The following FABP3 variants were observed in gnomAD, a reference collection of about 807,000 sequenced individuals.
The protein encoded by FABP3 is fatty acid-binding protein, heart.
Under a neutral mutation model 13.4 loss-of-function variants are expected in FABP3, and 8 were observed. The ratio of observed to expected loss-of-function variants is 0.60; its 90% CI spans 0.35 to 1.07. FABP3 has a LOEUF of 1.07. Ranked by LOEUF, FABP3 falls within the 50% of genes least tolerant of loss-of-function variation. The probability of loss-of-function intolerance (pLI) is 0.02; values close to 1 mark genes in which losing one functional copy is unlikely to be tolerated. For missense variants in FABP3, 135 were observed against 164.7 expected (o/e 0.82, Z 0.99); for synonymous variants, 64 against 60.0 (o/e 1.07, Z -0.31).
intron 1 of FABP3, 149 bp from the exon 2 acceptor site, chr1:31,369,706 T>C (rs1640175056): frequency 5.7e-6 from 4 of 706,138 alleles, no homozygotes; most frequent in African/African-American, 5.4e-5. Flanking sequence ...AAATTCAGTC[T>C]TGCGCTTAGT....
chr1:31,369,530 G>GC lies in FABP3; in HGVS notation c.100dup (p.Ala34GlyfsTer33). 1 of 1,614,116 alleles carries GC rather than the reference G, an allele frequency of 6.2e-7. No individual in the cohort carries two copies. ...GATTGTGGTAGGCTTGGTCATGCTGGCCACCTGCCTGGTAGCAAAACCCAC... is the reference window on the plus strand; with the variant it reads ...GATTGTGGTAGGCTTGGTCATGCTGGCCCACCTGCCTGGTAGCAAAACCCAC... On this transcript the variant is annotated frameshift_variant, in exon 2 of 4. Coordinates refer to ENST00000373713, the MANE Select transcript of FABP3 (RefSeq NM_004102.5). LOFTEE classifies it high-confidence loss of function.
chr1:31,366,981 A>G (rs1640124301), intron 3 of FABP3, among the ~76,000 whole-genome samples: 1 of 152,156 alleles, frequency 6.6e-6, no homozygotes, highest in South Asian at 2.1e-4. Flanking sequence ...CCTGTTTTCT[A>G]CTTCTTCCTG....
chr1:31,364,960 A>T (rs1168323992), downstream of FABP3: 1 of 152,184 alleles, frequency 6.6e-6, no homozygotes, highest in Non-Finnish European at 1.5e-5. Context: ...TTTTCCTATA[A>T]TCCTTCTTCC....
downstream of FABP3, among the ~76,000 whole-genome samples, chr1:31,362,666 G>C (rs1639957524): frequency 6.6e-6 from 1 of 152,164 alleles, no homozygotes; most frequent in African/African-American, 2.4e-5. Flanking sequence ...TTTGATGGCA[G>C]TTATTTCCCC....
rs746563492 is a variant in FABP3 at position 31,369,524 on chromosome 1, A to T, written c.107T>A (p.Met36Lys). The stretch of plus-strand genomic sequence containing the variant: ...TTCGATGATTGTGGTAGGCTTGGTC[A>T]TGCTGGCCACCTGCCTGGTAGCAAA... ...VGFATRQVAS[M>K]TKPTTIIEKN... The change falls in exon 2 of 4, where the codon ATG becomes AAG. Residue 36 changes from methionine (M) to lysine (K), a missense_variant. By Grantham distance (95) the Met-to-Lys change is moderately conservative (BLOSUM62 -1). Transcript: ENST00000373713. 1 of 1,614,044 alleles carries T rather than the reference A, an allele frequency of 6.2e-7. No homozygotes were observed. Among genetic ancestry groups the T allele is most frequent in the Non-Finnish European group, 8.5e-7 (1 of 1,180,040 alleles).
At chr1:31,372,608 G>A (rs1394912152) in intron 1 of FABP3, among the ~76,000 whole-genome samples, 1 of 152,056 alleles carries the variant, frequency 6.6e-6, no homozygotes, top group Non-Finnish European at 1.5e-5. Flanking sequence ...CCATGCCCCT[G>A]TTCTTTTTCT....
In FABP3 at chr1:31,365,742, T is replaced by C; in HGVS notation, c.*144A>G. The C allele has an allele frequency of 1.4e-6, 1 of 693,838 alleles. No individual in the cohort carries two copies. The highest frequency in any genetic ancestry group is 2.9e-5 in the East Asian group (1 of 34,310). 43.0% of individuals were successfully genotyped at this position (693,838 alleles called of 1,614,324 possible). A position where few individuals can be genotyped will look rare whatever the true frequency, so the allele number is the denominator to read the frequency against. On this transcript the variant is annotated 3_prime_UTR_variant, in exon 4 of 4. Transcript: ENST00000373713. ...AAAAAACCACATACACCATGGGAAC[T>C]GGAACTGGATCCCGGTCAGTGGCAC...
intron 2 of FABP3, among the ~76,000 whole-genome samples, chr1:31,367,924 C>G (rs982332314): frequency 2.0e-5 from 3 of 152,190 alleles, no homozygotes; most frequent in African/African-American, 7.2e-5. Context: ...CTTTATCCAG[C>G]CTTGTGGTTA....
chr1:31,360,257 C>A (rs1318478512), downstream of FABP3, among the ~76,000 whole-genome samples: 6 of 149,770 alleles, frequency 4.0e-5, no homozygotes, highest in South Asian at 4.2e-4. Context: ...AAAACCTCCG[C>A]CTCCCACGCT....
At chr1:31,367,131 T>C (rs1239841203) in intron 3 of FABP3, among the ~76,000 whole-genome samples, 1 of 152,208 alleles carries the variant, frequency 6.6e-6, no homozygotes, top group Non-Finnish European at 1.5e-5. Context: ...TTGGTATTAT[T>C]AATACCCGTT....
downstream of FABP3, chr1:31,364,438 A>G (rs1640055384): frequency 1.8e-6 from 1 of 553,344 alleles, no homozygotes; most frequent in African/African-American, 1.9e-5. Context: ...CAGCTCACCC[A>G]TTCATTCACC....
intron 1 of FABP3, among the ~76,000 whole-genome samples, chr1:31,371,711 T>G (rs1218905999): frequency 1.3e-5 from 2 of 152,198 alleles, no homozygotes; most frequent in Admixed American, 1.3e-4. Flanking sequence ...GCATTCCAAC[T>G]TCCCAATAGC....
At position 31,365,439 on chromosome 1, in the gene FABP3, G is replaced by T. The variant is rs71646316; in HGVS notation, c.*447C>A. Among the ~76,000 whole-genome samples, 142 of 152,178 alleles carry T rather than the reference G, an allele frequency of 9.3e-4. No homozygotes were observed. The highest frequency in any genetic ancestry group is 3.4e-3 in the Admixed American group (52 of 15,274). On this transcript the variant is annotated 3_prime_UTR_variant, in exon 4 of 4. Transcript: ENST00000373713. ...GAACTAGGTCATTTGACCATGGAGG[G>T]GGGGCAGTGTAAAGGCAACGTGTAG...
chr1:31,371,423 G>A (rs1640206323), intron 1 of FABP3, among the ~76,000 whole-genome samples: 1 of 152,196 alleles, frequency 6.6e-6, no homozygotes, highest in Admixed American at 6.5e-5. Flanking sequence ...ATATTGAGCT[G>A]ACAGAATTTA....
At position 31,369,550 on chromosome 1, in the gene FABP3, A is replaced by G. The variant is rs1569978030; in HGVS notation, c.81T>C (p.Gly27=). 6.2e-7 allele frequency: 1 copy of G among 1,614,040 alleles called. No homozygotes were observed. Among genetic ancestry groups the G allele is most frequent in the Non-Finnish European group, 8.5e-7 (1 of 1,179,980 alleles). The change falls in exon 2 of 4, where the codon GGT becomes GGC. Residue 27 remains glycine (G), a synonymous_variant. Transcript: ENST00000373713. ...TGCTGGCCACCTGCCTGGTAGCAAA[A>G]CCCACACCTGAGGGTAGGGGGAAGG... ...FDDYMKSLGV[G]FATRQVASMT... is the part of the protein sequence containing the mutation.
chr1:31,364,426 T>C (rs768172556), downstream of FABP3: 16 of 610,682 alleles, frequency 2.6e-5, no homozygotes, highest in Non-Finnish European at 4.2e-5. Context: ...AAGTGAACCC[T>C]GCAGCTCACC....
chr1:31,362,791 T>C (rs1209513945), downstream of FABP3, among the ~76,000 whole-genome samples: 1 of 152,222 alleles, frequency 6.6e-6, no homozygotes, highest in Non-Finnish European at 1.5e-5. Context: ...GGCTAGTCTT[T>C]AGGGGCGCCT....
At chr1:31,363,410 C>T (rs1640002079), downstream of FABP3, among the ~76,000 whole-genome samples, 1 of 152,172 alleles carries the variant, frequency 6.6e-6, no homozygotes, top group South Asian at 2.1e-4. Flanking sequence ...GTCTCGATCT[C>T]CTGACCTCGT....
downstream of FABP3, among the ~76,000 whole-genome samples, chr1:31,361,321 A>G (rs1056982114): frequency 1.3e-5 from 2 of 152,238 alleles, no homozygotes; most frequent in Non-Finnish European, 2.9e-5. Context: ...CTGTCAGAAC[A>G]TCCTGGGAGT....
Sources: allele counts gnomAD v4.1 joint callset (sites outside exome capture counted in the v4.1 genomes callset), GRCh38; gene constraint gnomAD v4.1.1; transcripts MANE v1.5; gene names NCBI Gene and HGNC (gene_info 2026-07-23, HGNC 2026-07-21).